The following PRELID2 variants were observed in gnomAD, a reference collection of about 807,000 sequenced individuals.
PRELID2 encodes PRELI domain-containing protein 2.
A neutral mutation model predicts 28.4 loss-of-function variants in PRELID2; 25 were observed. That is an observed-to-expected ratio of 0.88 (90% CI 0.64 to 1.23). The LOEUF (loss-of-function observed/expected upper bound fraction) is 1.23. Ranked by LOEUF, PRELID2 falls within the 50% of genes most tolerant of loss-of-function variation. The pLI is 0.00. For missense variants in PRELID2, 201 were observed against 214.4 expected, an observed-to-expected ratio of 0.94 and a Z score of 0.39; for synonymous variants, 76 against 71.6, an observed-to-expected ratio of 1.06 and a Z score of -0.31.
intron 1 of PRELID2, among the ~76,000 whole-genome samples, chr5:145,535,644 G>A (rs548001020): frequency 2.0e-5 from 3 of 151,942 alleles, no homozygotes; most frequent in Admixed American, 1.3e-4. Flanking sequence ...GGAACAATGA[G>A]GCACGTGTAT....
chr5:145,310,282 G>A, the PRELID2 span, among the ~76,000 whole-genome samples: 5 of 152,160 alleles, frequency 3.3e-5, no homozygotes, highest in Admixed American at 3.3e-4. Flanking sequence ...TTTGGATAGA[G>A]GGAGAGAATG....
At chr5:145,805,527 C>T (rs1265132702) in intron 4 of PRELID2, among the ~76,000 whole-genome samples, 1 of 152,104 alleles carries the variant, frequency 6.6e-6, no homozygotes, top group African/African-American at 2.4e-5. Context: ...GGATACAAAA[C>T]TAGAATTACC....
In PRELID2 at chr5:145,802,932, G is replaced by A. The variant is rs144040199; in HGVS notation, c.369-6385C>T. Among the ~76,000 whole-genome samples the A allele has an allele frequency of 6.3e-3, 960 of 152,230 alleles. 9 individuals are homozygous for A. The highest frequency in any genetic ancestry group is 0.029 in the South Asian group (142 of 4,822). On this transcript the variant is annotated intron_variant, in intron 4 of 6. Transcript: ENST00000683046. ...GTCACCAGTGCTGAATCCTCAAAAC[G>A]GCAGTTTCCGGGAAAGCAAAAGCTC...
intron 1 of PRELID2, among the ~76,000 whole-genome samples, chr5:145,509,955 C>T (rs750345164): frequency 6.6e-6 from 1 of 152,062 alleles, no homozygotes; most frequent in Admixed American, 6.6e-5. Context: ...CACCTGCTCT[C>T]GTTGTTAAGT....
chr5:145,577,000 T>TCCTGA (rs1753066119), intron 1 of PRELID2, among the ~76,000 whole-genome samples: 1 of 152,126 alleles, frequency 6.6e-6, no homozygotes, highest in South Asian at 2.1e-4. Flanking sequence ...GTTGCAGCGT[T>TCCTGA]CCTGAATTTA....
intron 1 of PRELID2, among the ~76,000 whole-genome samples, chr5:145,632,700 C>T (rs771578754): frequency 2.4e-4 from 37 of 152,112 alleles, no homozygotes; most frequent in Non-Finnish European, 3.5e-4. Flanking sequence ...GCCTGGTGTA[C>T]GCATCCTCTA....
the PRELID2 span, among the ~76,000 whole-genome samples, chr5:145,296,116 T>C: frequency 3.3e-5 from 5 of 152,094 alleles, no homozygotes; most frequent in Non-Finnish European, 5.9e-5. Flanking sequence ...GCTTGACTTC[T>C]TGTTACCTCC....
the PRELID2 span, among the ~76,000 whole-genome samples, chr5:145,407,622 C>T: frequency 1.3e-5 from 2 of 152,156 alleles, no homozygotes; most frequent in South Asian, 4.1e-4. Flanking sequence ...GAATATAGGG[C>T]AAACCTAAAT....
At chr5:145,272,617 G>A in the PRELID2 span, among the ~76,000 whole-genome samples, 1 of 152,036 alleles carries the variant, frequency 6.6e-6, no homozygotes, top group South Asian at 2.1e-4. Flanking sequence ...TGTAACTTCA[G>A]TTTAGAAGCC....
At chr5:145,530,896 T>G (rs574866909) in intron 1 of PRELID2, among the ~76,000 whole-genome samples, 6 of 152,000 alleles carry the variant, frequency 3.9e-5, no homozygotes, top group Admixed American at 6.6e-5. Flanking sequence ...CCATCTTGAG[T>G]GGAGAAAAAA....
chr5:145,568,031 C>T (rs1752982435), intron 1 of PRELID2, among the ~76,000 whole-genome samples: 1 of 152,164 alleles, frequency 6.6e-6, no homozygotes, highest in Non-Finnish European at 1.5e-5. Flanking sequence ...TGGGCCTTCT[C>T]CTTTGGAGGC....
At chr5:145,428,925 G>T in the PRELID2 span, among the ~76,000 whole-genome samples, 3 of 75,244 alleles carry the variant, frequency 4.0e-5, no homozygotes, top group African/African-American at 1.5e-4. Flanking sequence ...GGCCAGTGTG[G>T]CTGGGCTGAG....
chr5:145,250,898 G>T, the PRELID2 span, among the ~76,000 whole-genome samples: 1 of 152,100 alleles, frequency 6.6e-6, no homozygotes, highest in Non-Finnish European at 1.5e-5. Flanking sequence ...GCCTGGAAGA[G>T]CACAGAAAAC....
At chr5:145,333,986 C>G in the PRELID2 span, among the ~76,000 whole-genome samples, 1 of 152,132 alleles carries the variant, frequency 6.6e-6, no homozygotes, top group Non-Finnish European at 1.5e-5. Flanking sequence ...CTGAAATGCA[C>G]TCTTCCACAT....
intron 1 of PRELID2, among the ~76,000 whole-genome samples, chr5:145,488,105 C>A (rs1230959870): frequency 8.3e-6 from 1 of 121,032 alleles, no homozygotes; most frequent in Non-Finnish European, 1.6e-5. Context: ...GCCTGGGCAA[C>A]AGAGCGAGAC....
At chr5:145,746,082 T>C (rs1756982837) in intron 1 of PRELID2, among the ~76,000 whole-genome samples, 1 of 152,050 alleles carries the variant, frequency 6.6e-6, no homozygotes, top group South Asian at 2.1e-4. Flanking sequence ...TAAAGACCAA[T>C]GACACTATGA....
chr5:145,598,400 G>A (rs186834015), intron 1 of PRELID2, among the ~76,000 whole-genome samples: 2 of 152,252 alleles, frequency 1.3e-5, no homozygotes, highest in Admixed American at 6.5e-5. Flanking sequence ...CGAAAAACCG[G>A]TCTAGCATCT....
At chr5:145,701,878 C>A (rs1042632733) in intron 1 of PRELID2, among the ~76,000 whole-genome samples, 1 of 151,898 alleles carries the variant, frequency 6.6e-6, no homozygotes, top group Non-Finnish European at 1.5e-5. Context: ...GTGGTGAAAC[C>A]CTGTCTCTAC....
At chr5:145,508,298 TA>T (rs202174102) in intron 1 of PRELID2, among the ~76,000 whole-genome samples, 1 of 94,916 alleles carries the variant, frequency 1.1e-5, no homozygotes, top group African/African-American at 4.1e-5. Flanking sequence ...ATAGATAGAT[TA>T]AAAAATGTAA....
Sources: gnomAD v4.1 joint callset for allele counts (sites outside exome capture counted in the v4.1 genomes callset) on GRCh38, gnomAD v4.1.1 for gene constraint, MANE v1.5 for transcripts, NCBI Gene and HGNC (gene_info 2026-07-23, HGNC 2026-07-21) for gene names.